ARFGEF3: variants seen among roughly 807,000 people sequenced by gnomAD.
The protein encoded by ARFGEF3 is brefeldin A-inhibited guanine nucleotide-exchange protein 3.
In ARFGEF3, 96 loss-of-function variants were observed where a neutral mutation model predicts 221.7. The observed-to-expected ratio is 0.43, with a 90% confidence interval of 0.37 to 0.51. The LOEUF is 0.51. Ranked by LOEUF, ARFGEF3 falls within the 20% of genes least tolerant of loss-of-function variation. The pLI is 0.00. For synonymous variants in ARFGEF3, 1,145 were observed against 1,126.8 expected (o/e 1.02, Z -0.32); for missense variants, 2,410 against 2,789.9 (o/e 0.86, Z 3.07).
chr6:138,197,876 A>C (rs1289434333), intron 2 of ARFGEF3, among the ~76,000 whole-genome samples: 1 of 152,210 alleles, frequency 6.6e-6, no homozygotes, highest in Non-Finnish European at 1.5e-5. Context: ...TATACTCTAG[A>C]GTTATTGTAT....
intron 8 of ARFGEF3, among the ~76,000 whole-genome samples, chr6:138,249,369 G>A (rs555494496): frequency 2.0e-4 from 31 of 152,216 alleles, no homozygotes; most frequent in African/African-American, 5.3e-4. Context: ...TCACTCTGTC[G>A]CCCAGGCTGG....
At chr6:138,335,254 T>C in intron 33 of ARFGEF3, 66 bp downstream of exon 33, 1 of 1,434,150 alleles carries the variant, frequency 7.0e-7, no homozygotes, top group Non-Finnish European at 9.2e-7. Flanking sequence ...GGGCCCCCCC[T>C]TGCAGAGCAG....
In ARFGEF3 at chr6:138,344,109, A is replaced by G. The variant is rs537839843; in HGVS notation, c.*7623A>G. ...CATTATAAACAGTTCCCCTACTACT[A>G]TCTCCCACTCTAGATAAAGCCAGTG... On this transcript the variant is annotated 3_prime_UTR_variant, in exon 34 of 34. Coordinates refer to ENST00000251691, the MANE Select transcript of ARFGEF3 (RefSeq NM_020340.5). 2 of 152,316 alleles carry G rather than the reference A, an allele frequency of 1.3e-5. No homozygotes were observed. The highest frequency in any genetic ancestry group is 4.1e-4 in the South Asian group (2 of 4,828). The allele number at this position is 152,316 out of a possible 1,614,324, so 9.4% of individuals were successfully genotyped here.
chr6:138,333,584 A>C (rs1780263253), intron 32 of ARFGEF3, among the ~76,000 whole-genome samples: 1 of 152,096 alleles, frequency 6.6e-6, no homozygotes, highest in Non-Finnish European at 1.5e-5. Context: ...CTGGGACTAC[A>C]GGTGCCCGCC....
chr6:138,226,900 C>T (rs1778094368), intron 4 of ARFGEF3, among the ~76,000 whole-genome samples: 1 of 152,162 alleles, frequency 6.6e-6, no homozygotes, highest in South Asian at 2.1e-4. Context: ...TTGTGAGTCC[C>T]AGGAGGGCAT....
intron 32 of ARFGEF3, among the ~76,000 whole-genome samples, chr6:138,331,382 G>T (rs567876130): frequency 3.9e-5 from 6 of 152,320 alleles, no homozygotes; most frequent in East Asian, 1.9e-4. Flanking sequence ...ACTCTTATTT[G>T]CAGGGGCAAT....
At chr6:138,264,481 T>A (rs1778850725) in intron 12 of ARFGEF3, among the ~76,000 whole-genome samples, 1 of 152,062 alleles carries the variant, frequency 6.6e-6, no homozygotes, top group East Asian at 1.9e-4. Flanking sequence ...GGCAAATGAA[T>A]CTCCCTAAGC....
intron 12 of ARFGEF3, among the ~76,000 whole-genome samples, chr6:138,276,854 T>TG (rs1244186255): frequency 6.6e-6 from 1 of 152,112 alleles, no homozygotes; most frequent in Non-Finnish European, 1.5e-5. Context: ...TTAGTAGAGA[T>TG]GGGGTTTCAC....
chr6:138,169,323 T>C (rs1469322325), intron 1 of ARFGEF3, among the ~76,000 whole-genome samples: 2 of 152,248 alleles, frequency 1.3e-5, no homozygotes, highest in African/African-American at 4.8e-5. Context: ...CCCATGTGCC[T>C]GGGAGTCTCA....
At chr6:138,249,918 CCT>C (rs1374601088) in intron 8 of ARFGEF3, among the ~76,000 whole-genome samples, 1 of 152,180 alleles carries the variant, frequency 6.6e-6, no homozygotes, top group African/African-American at 2.4e-5. Context: ...TAAGGGAAGA[CCT>C]TTATGTCCAC....
At chr6:138,316,638 A>T (rs748134450) in intron 26 of ARFGEF3, among the ~76,000 whole-genome samples, 2 of 152,160 alleles carry the variant, frequency 1.3e-5, no homozygotes, top group African/African-American at 2.4e-5. Context: ...TTCTTTAAAG[A>T]TAACAAACAT....
At chr6:138,256,468 CA>C (rs1756052549) in intron 10 of ARFGEF3, among the ~76,000 whole-genome samples, 1 of 152,120 alleles carries the variant, frequency 6.6e-6, no homozygotes, top group Admixed American at 6.5e-5. Flanking sequence ...CCCACCCCTC[CA>C]AAAAACCAGA....
At chr6:138,214,922 A>G (rs948758945) in intron 4 of ARFGEF3, among the ~76,000 whole-genome samples, 2 of 152,238 alleles carry the variant, frequency 1.3e-5, no homozygotes, top group African/African-American at 2.4e-5. Context: ...TGAAATGGCT[A>G]TGGAACCCAA....
At chr6:138,170,522 C>T (rs973939234) in intron 1 of ARFGEF3, 140 bp from the exon 2 acceptor site, 7 of 585,464 alleles carry the variant, frequency 1.2e-5, no homozygotes, top group African/African-American at 7.5e-5. Context: ...ATATGAAGGA[C>T]TTGCATGCAG....
chr6:138,282,424 G>C (rs1235173783), intron 14 of ARFGEF3, among the ~76,000 whole-genome samples: 1 of 152,222 alleles, frequency 6.6e-6, no homozygotes, highest in Non-Finnish European at 1.5e-5. Context: ...CTGGGGCACA[G>C]AATCTGTTGT....
At chr6:138,164,929 A>AG (rs1776695187) in intron 1 of ARFGEF3, among the ~76,000 whole-genome samples, 2 of 152,316 alleles carry the variant, frequency 1.3e-5, no homozygotes, top group South Asian at 4.1e-4. Flanking sequence ...ATCATGGGAA[A>AG]GGGGGGTTAC....
At chr6:138,261,757 A>G (rs1778800239) in intron 11 of ARFGEF3, 118 bp downstream of exon 11, 9 of 463,662 alleles carry the variant, frequency 1.9e-5, no homozygotes, top group Admixed American at 1.6e-4. Context: ...TGTCTATTTA[A>G]TAATTTACCC....
intron 22 of ARFGEF3, among the ~76,000 whole-genome samples, chr6:138,306,953 T>TAAAAAAAAAAAAAAAAA (rs71773390): frequency 8.8e-6 from 1 of 113,718 alleles, no homozygotes; most frequent in East Asian, 2.3e-4. Flanking sequence ...TAAGGAACTC[T>TAAAAAAAAAAAAAAAAA]AAAAAAAAAA....
At position 138,278,585 on chromosome 6, in the gene ARFGEF3, A is replaced by G. The variant is rs1409870389; in HGVS notation, c.2263A>G (p.Arg755Gly). 1.9e-6 allele frequency: 3 copies of G among 1,613,814 alleles called. No homozygotes were observed. The highest frequency in any genetic ancestry group is 2.5e-6 in the Non-Finnish European group (3 of 1,179,900). ...GAAGCTCTCCCACGGTGACTACTAC[A>G]GGAAGCGGCCGACCCTGGCGCCAGG... is the stretch of plus-strand genomic sequence containing the variant. Reference protein sequence around the residue: ...NLKLSHGDYYRKRPTLAPGVM... With the variant: ...NLKLSHGDYYGKRPTLAPGVM... Residue 755 changes from arginine (R) to glycine (G), a missense_variant, in exon 13 of 34, where the codon AGG becomes GGG. Coordinates refer to ENST00000251691, the MANE Select transcript of ARFGEF3 (RefSeq NM_020340.5).
Sources: allele counts gnomAD v4.1 joint callset (sites outside exome capture counted in the v4.1 genomes callset), GRCh38; gene constraint gnomAD v4.1.1; transcripts MANE v1.5; gene names NCBI Gene and HGNC (gene_info 2026-07-23, HGNC 2026-07-21).